The following DYNC2H1 variants were observed in gnomAD, a reference collection of about 807,000 sequenced individuals.
DYNC2H1 encodes the protein cytoplasmic dynein 2 heavy chain 1.
Under a neutral mutation model 570.0 loss-of-function variants are expected in DYNC2H1, and 410 were observed. That is an observed-to-expected ratio of 0.72 (90% confidence interval 0.66 to 0.78). DYNC2H1 has a LOEUF of 0.78. DYNC2H1 is among the 30% of genes least tolerant of loss of function. The pLI, the probability that DYNC2H1 is intolerant of heterozygous loss-of-function variation, is 0.00. For synonymous variants in DYNC2H1, 1,688 were observed against 1,677.6 expected (o/e 1.01, Z -0.15); for missense variants, 4,865 against 5,046.4 (o/e 0.96, Z 1.09).
chr11:103,176,893 A>G (rs959592077), intron 37 of DYNC2H1, among the ~76,000 whole-genome samples: 8 of 151,958 alleles, frequency 5.3e-5, no homozygotes, highest in African/African-American at 1.9e-4. Context: ...TTTAGTAGAG[A>G]TGGCATTTCA....
At chr11:103,417,364 T>G (rs2514401) in intron 84 of DYNC2H1, among the ~76,000 whole-genome samples, 75,883 of 151,404 alleles carry the variant, frequency 0.5, 19,165 homozygotes, top group African/African-American at 0.58. Flanking sequence ...GCCTCCCAAA[T>G]TGCTAGGATT....
intron 85 of DYNC2H1, among the ~76,000 whole-genome samples, chr11:103,451,841 A>G (rs1163112218): frequency 1.3e-5 from 2 of 152,118 alleles, no homozygotes; most frequent in African/African-American, 4.8e-5. Context: ...AATTATGTAA[A>G]CAATTTGCCA....
chr11:103,293,181 C>T (rs562449195), intron 75 of DYNC2H1, among the ~76,000 whole-genome samples: 1 of 151,514 alleles, frequency 6.6e-6, no homozygotes, highest in East Asian at 1.9e-4. Flanking sequence ...AATGATGTTG[C>T]TGGATATAAT....
chr11:103,169,825 T>C (rs1453407577), intron 32 of DYNC2H1, among the ~76,000 whole-genome samples: 2 of 152,176 alleles, frequency 1.3e-5, no homozygotes, highest in Non-Finnish European at 2.9e-5. Context: ...TTCTTTTCCT[T>C]AGAAGTATAT....
chr11:103,304,662 A>T lies in DYNC2H1; in HGVS notation c.11324A>T (p.Asp3775Val). ...QMLKECARNG[D>V]WLCLKNLHLV... ...CTAAAAGAATGTGCCCGCAATGGAG[A>T]CTGGCTCTGTTTGAAGAACTTACAT... is the stretch of plus-strand genomic sequence containing the variant. The change falls in exon 77 of 89, where the codon GAC becomes GTC. Residue 3775 changes from aspartate (D) to valine (V), a missense_variant. Coordinates refer to ENST00000375735, the MANE Select transcript of DYNC2H1 (RefSeq NM_001377.3). 6.2e-7 allele frequency: 1 copy of T among 1,613,416 alleles called. No individual in the cohort carries two copies. Among genetic ancestry groups the T allele is most frequent in the Non-Finnish European group, 8.5e-7 (1 of 1,179,552 alleles).
intron 70 of DYNC2H1, among the ~76,000 whole-genome samples, chr11:103,267,543 A>G (rs946258650): frequency 6.6e-6 from 1 of 152,092 alleles, no homozygotes; most frequent in African/African-American, 2.4e-5. Flanking sequence ...GATAACCTTC[A>G]TAGTGATAGT....
In DYNC2H1 at chr11:103,133,097, G is replaced by A. The variant is rs1021844478; in HGVS notation, c.1954-458G>A. On this transcript the variant is annotated intron_variant, in intron 13 of 88. Coordinates refer to ENST00000375735, the MANE Select transcript of DYNC2H1 (RefSeq NM_001377.3). This position sits in a 1 kb window ranked among gnomAD's most constrained non-coding sequence, Gnocchi z 4.8. Reference sequence around the variant, plus strand: ...TTCTCCTTGGTGTTAAGCTACAATAGGATGTGTATTGCTAAAAATGTTTTC... The same window carrying A: ...TTCTCCTTGGTGTTAAGCTACAATAAGATGTGTATTGCTAAAAATGTTTTC... 1.3e-5 allele frequency among the ~76,000 whole-genome samples: 2 copies of A among 152,140 alleles called. No individual in the cohort carries two copies. The highest frequency in any genetic ancestry group is 2.4e-5 in the African/African-American group (1 of 41,432).
rs147057617 is a variant in DYNC2H1 at position 103,450,936 on chromosome 11, T to G, written c.12457-4250T>G. Among the ~76,000 whole-genome samples, 416 of 152,352 alleles carry G rather than the reference T, an allele frequency of 2.7e-3. 5 individuals are homozygous for G. Among genetic ancestry groups the G allele is most frequent in the African/African-American group, 9.5e-3 (393 of 41,584 alleles). ...TTTATATAATTAGGTTCATACTGTGTATACATTTTTGCATTCTGATAAATA... is the reference window on the plus strand; with the variant it reads ...TTTATATAATTAGGTTCATACTGTGGATACATTTTTGCATTCTGATAAATA... On this transcript the variant is annotated intron_variant, in intron 85 of 88. Coordinates refer to ENST00000375735, the MANE Select transcript of DYNC2H1 (RefSeq NM_001377.3).
Position 103,120,976 on chromosome 11 carries a change from A to G in DYNC2H1, c.1300A>G (p.Ser434Gly). The G allele has an allele frequency of 6.3e-7, 1 of 1,585,680 alleles. No individual in the cohort carries two copies. The highest frequency in any genetic ancestry group is 1.7e-4 in the Middle Eastern group (1 of 5,946). ...YKELVKRPTISKELMLERETL... is the reference protein window; with the variant it reads ...YKELVKRPTIGKELMLERETL... ...AGAGTTGGTAAAGCGTCCAACTATA[A>G]GCAAAGAATTGATGTTAGAAAGAGA... is the stretch of plus-strand genomic sequence containing the variant. Residue 434 changes from serine to glycine, a missense_variant, in exon 9 of 89, where the codon AGC (serine) becomes GGC (glycine). By Grantham distance (56) the Ser-to-Gly change is moderately conservative (BLOSUM62 0). Coordinates refer to ENST00000375735, the MANE Select transcript of DYNC2H1 (RefSeq NM_001377.3).
chr11:103,284,854 C>T (rs1179778970), intron 73 of DYNC2H1, among the ~76,000 whole-genome samples: 1 of 151,952 alleles, frequency 6.6e-6, no homozygotes, highest in Admixed American at 6.6e-5. Flanking sequence ...AAATTCTTCA[C>T]CTTTACAGAT....
intron 34 of DYNC2H1, among the ~76,000 whole-genome samples, chr11:103,172,199 C>T (rs1019688289): frequency 2.6e-5 from 4 of 152,072 alleles, no homozygotes; most frequent in Non-Finnish European, 4.4e-5. Context: ...TGAGAATTAC[C>T]TGCCTTCAAG....
chr11:103,396,199 G>C (rs1353732547), intron 83 of DYNC2H1, among the ~76,000 whole-genome samples: 1 of 152,126 alleles, frequency 6.6e-6, no homozygotes, highest in Non-Finnish European at 1.5e-5. Flanking sequence ...TATCTGAGAA[G>C]GACTCTGATG....
chr11:103,312,117 A>C, intron 79 of DYNC2H1, 84 bp downstream of exon 79: 109 of 1,438,058 alleles, frequency 7.6e-5, no homozygotes, highest in Non-Finnish European at 9.4e-5. Context: ...ATGGTGGCTC[A>C]TGCCTGTAAT....
intron 82 of DYNC2H1, among the ~76,000 whole-genome samples, chr11:103,350,017 G>T (rs909187145): frequency 6.6e-6 from 1 of 152,094 alleles, no homozygotes; most frequent in African/African-American, 2.4e-5. Context: ...ATTTTAACAT[G>T]TTGGTATGTA....
intron 24 of DYNC2H1, 63 bp downstream of exon 24, chr11:103,154,872 G>C (rs1860740689): frequency 2.6e-6 from 3 of 1,165,576 alleles, no homozygotes; most frequent in Non-Finnish European, 3.5e-6. Flanking sequence ...CTTATGTAGT[G>C]ACTGAACTAT....
intron 82 of DYNC2H1, among the ~76,000 whole-genome samples, chr11:103,352,701 A>C (rs1380012461): frequency 6.6e-6 from 1 of 152,196 alleles, no homozygotes; most frequent in Non-Finnish European, 1.5e-5. Flanking sequence ...CTGTTGGTGA[A>C]AATGTAAATT....
At chr11:103,370,003 C>G (rs1363875447) in intron 83 of DYNC2H1, among the ~76,000 whole-genome samples, 1 of 152,192 alleles carries the variant, frequency 6.6e-6, no homozygotes, top group African/African-American at 2.4e-5. Context: ...GATAGGACAC[C>G]AAAGAGGCTC....
At chr11:103,237,015 G>A (rs867861160) in intron 63 of DYNC2H1, among the ~76,000 whole-genome samples, 2 of 151,956 alleles carry the variant, frequency 1.3e-5, no homozygotes, top group Admixed American at 6.6e-5. Flanking sequence ...ATTTTCCAAA[G>A]CTATTTAAAA....
intron 83 of DYNC2H1, among the ~76,000 whole-genome samples, chr11:103,388,791 A>G (rs796211039): frequency 1.3e-5 from 2 of 152,132 alleles, no homozygotes; most frequent in South Asian, 2.1e-4. Context: ...TTCTGTTTAT[A>G]TGCTGGATTA....
Sources: gnomAD v4.1 joint callset for allele counts (sites outside exome capture counted in the v4.1 genomes callset) on GRCh38, gnomAD v4.1.1 for gene constraint, Gnocchi (gnomAD v3.1) non-coding constraint, MANE v1.5 for transcripts, NCBI Gene and HGNC (gene_info 2026-07-23, HGNC 2026-07-21) for gene names.